The following ADAMTSL1 variants were observed in gnomAD, a reference collection of about 807,000 sequenced individuals.
ADAMTSL1 encodes ADAMTS like 1.
ADAMTSL1 carries 126 observed loss-of-function variants against 201.8 expected under a neutral mutation model. The observed-to-expected ratio is 0.62, with a 90% CI of 0.54 to 0.72. The LOEUF (loss-of-function observed/expected upper bound fraction) is 0.72, where lower values mean the gene tolerates loss of function less well. Ranked by LOEUF, ADAMTSL1 falls within the 30% of genes least tolerant of loss-of-function variation. The pLI, the probability that ADAMTSL1 is intolerant of heterozygous loss-of-function variation, is 0.00. For missense variants in ADAMTSL1, 2,679 were observed against 2,277.8 expected (o/e 1.18, Z -3.59); for synonymous variants, 1,121 against 903.4 (o/e 1.24, Z -4.32).
At chr9:17,935,016 ATGGT>A (rs902392243) in intron 1 of ADAMTSL1, among the ~76,000 whole-genome samples, 25 of 150,976 alleles carry the variant, frequency 1.7e-4, no homozygotes, top group African/African-American at 5.6e-4. Flanking sequence ...CTTGTATATT[ATGGT>A]TATTTTCTAT....
intron 16 of ADAMTSL1, among the ~76,000 whole-genome samples, chr9:18,757,874 G>A (rs374979075): frequency 6.6e-6 from 1 of 152,136 alleles, no homozygotes; most frequent in African/African-American, 2.4e-5. Context: ...CATTCTGCTG[G>A]TGTCATTTAT....
chr9:18,525,537 G>A (rs865802506), intron 2 of ADAMTSL1, among the ~76,000 whole-genome samples: 16 of 152,044 alleles, frequency 1.1e-4, no homozygotes, highest in African/African-American at 3.4e-4. Flanking sequence ...GTGATGTTAG[G>A]GTGTCAATTT....
At chr9:18,819,289 C>G (rs1460811934) in intron 21 of ADAMTSL1, among the ~76,000 whole-genome samples, 5 of 151,964 alleles carry the variant, frequency 3.3e-5, no homozygotes, top group African/African-American at 1.2e-4. Flanking sequence ...AACCCTATCT[C>G]TACTAAAATT....
At chr9:17,962,383 C>T (rs1370733315) in intron 1 of ADAMTSL1, among the ~76,000 whole-genome samples, 1 of 152,148 alleles carries the variant, frequency 6.6e-6, no homozygotes, top group African/African-American at 2.4e-5. Flanking sequence ...CGGTTTTGTG[C>T]ACAGTATCAA....
At chr9:18,886,227 TACATAC>T (rs1348220734) in intron 23 of ADAMTSL1, among the ~76,000 whole-genome samples, 12 of 138,498 alleles carry the variant, frequency 8.7e-5, no homozygotes, top group African/African-American at 2.6e-4. Context: ...CACATACATA[TACATAC>T]ATACAAGTAT....
At chr9:18,571,531 T>G (rs1447239696) in intron 3 of ADAMTSL1, among the ~76,000 whole-genome samples, 1 of 152,208 alleles carries the variant, frequency 6.6e-6, no homozygotes, top group Non-Finnish European at 1.5e-5. Flanking sequence ...ATACTGTATT[T>G]AAACATTGCT....
At chr9:18,773,914 T>A (rs929133962) in intron 17 of ADAMTSL1, among the ~76,000 whole-genome samples, 1 of 152,248 alleles carries the variant, frequency 6.6e-6, no homozygotes, top group Non-Finnish European at 1.5e-5. Flanking sequence ...CTGGAACCCA[T>A]AATTTTCAGA....
intron 13 of ADAMTSL1, among the ~76,000 whole-genome samples, chr9:18,691,627 G>T (rs1478594565): frequency 6.6e-6 from 1 of 152,112 alleles, no homozygotes; most frequent in Non-Finnish European, 1.5e-5. Context: ...CAATCCTGCT[G>T]GAATCAGAGT....
chr9:18,496,347 A>T (rs1426991496), intron 1 of ADAMTSL1, among the ~76,000 whole-genome samples: 2 of 152,232 alleles, frequency 1.3e-5, no homozygotes, highest in Non-Finnish European at 2.9e-5. Flanking sequence ...GCCAGGGAGA[A>T]TGTTTTAAAT....
chr9:18,562,238 A>G (rs1235086123), intron 3 of ADAMTSL1, among the ~76,000 whole-genome samples: 1 of 152,158 alleles, frequency 6.6e-6, no homozygotes, highest in African/African-American at 2.4e-5. Context: ...ATCTCTCAGC[A>G]TTTGCTTGTC....
chr9:18,583,127 G>T (rs940008075), intron 4 of ADAMTSL1, among the ~76,000 whole-genome samples: 3 of 152,178 alleles, frequency 2.0e-5, no homozygotes, highest in African/African-American at 4.8e-5. Flanking sequence ...GGAGGGTGCT[G>T]CTGAAAAGAT....
intron 19 of ADAMTSL1, among the ~76,000 whole-genome samples, chr9:18,786,855 T>G (rs969643096): frequency 6.6e-6 from 1 of 152,232 alleles, no homozygotes; most frequent in Non-Finnish European, 1.5e-5. Flanking sequence ...CTGTAGCCTC[T>G]AAATGATTAT....
chr9:18,614,028 G>A (rs1825551873), intron 4 of ADAMTSL1, among the ~76,000 whole-genome samples: 1 of 152,212 alleles, frequency 6.6e-6, no homozygotes, highest in African/African-American at 2.4e-5. Context: ...GCCTGAGAAA[G>A]AGTGTTACAG....
chr9:18,643,627 T>C (rs1307687704), intron 7 of ADAMTSL1, among the ~76,000 whole-genome samples: 2 of 152,082 alleles, frequency 1.3e-5, no homozygotes, highest in African/African-American at 4.8e-5. Context: ...CTTCCACATA[T>C]GGAAGTTTTT....
Position 18,175,864 on chromosome 9 carries a change from C to G in ADAMTSL1, c.207+11883C>G, listed in dbSNP as rs550247980. Among the ~76,000 whole-genome samples, 10 of 152,048 alleles carry G rather than the reference C, an allele frequency of 6.6e-5. No individual in the cohort carries two copies. In the South Asian group the frequency reaches 2.1e-3, roughly 32 times the overall value. On this transcript the variant is annotated intron_variant, in intron 2 of 29. Coordinates refer to the ADAMTSL1 transcript ENST00000680146. Reference sequence around the variant, plus strand: ...AGATATGGAGAATCCTTGACTCAGGCTGAGGGGCAGTCTAGTACCAGGCTC... The same window carrying G: ...AGATATGGAGAATCCTTGACTCAGGGTGAGGGGCAGTCTAGTACCAGGCTC...
chr9:18,875,935 G>A (rs1828118745), intron 23 of ADAMTSL1, among the ~76,000 whole-genome samples: 1 of 151,524 alleles, frequency 6.6e-6, no homozygotes, highest in Non-Finnish European at 1.5e-5. Flanking sequence ...CCAGTATTAT[G>A]TGCATAGTTA....
At chr9:18,877,613 T>A (rs936628304) in intron 23 of ADAMTSL1, among the ~76,000 whole-genome samples, 2 of 152,210 alleles carry the variant, frequency 1.3e-5, no homozygotes, top group African/African-American at 4.8e-5. Context: ...TGAATACCAG[T>A]ACCTGCTCTG....
At chr9:18,328,005 C>A (rs1834893210) in intron 2 of ADAMTSL1, among the ~76,000 whole-genome samples, 1 of 152,042 alleles carries the variant, frequency 6.6e-6, no homozygotes, top group African/African-American at 2.4e-5. Flanking sequence ...AAAAAGAAAT[C>A]CACACTGGAA....
intron 14 of ADAMTSL1, among the ~76,000 whole-genome samples, chr9:18,715,762 A>G (rs997451188): frequency 3.3e-5 from 5 of 151,688 alleles, no homozygotes; most frequent in African/African-American, 1.2e-4. Context: ...GAACCAAAAA[A>G]GAGCCCACAT....
Sources: gnomAD v4.1 joint callset for allele counts (sites outside exome capture counted in the v4.1 genomes callset) on GRCh38, gnomAD v4.1.1 for gene constraint, MANE v1.5 for transcripts, NCBI Gene and HGNC (gene_info 2026-07-23, HGNC 2026-07-21) for gene names.